The following MAGI2 variants were observed in gnomAD, a reference collection of about 807,000 sequenced individuals.
The protein encoded by MAGI2 is membrane associated guanylate kinase, WW and PDZ domain containing 2, also known as membrane-associated guanylate kinase, WW and PDZ domain-containing protein 2.
A neutral mutation model predicts 133.3 loss-of-function variants in MAGI2; 35 were observed. The observed-to-expected ratio is 0.26, with a 90% CI of 0.20 to 0.35. MAGI2 has a LOEUF of 0.35. Among genes scored for constraint, MAGI2 ranks in the 10% least tolerant of loss-of-function variants. MAGI2 has a pLI of 1.00. For missense variants in MAGI2, 1,636 were observed against 1,863.4 expected (o/e 0.88, Z 2.25); for synonymous variants, 729 against 710.6 (o/e 1.03, Z -0.41).
At position 78,132,946 on chromosome 7, in the gene MAGI2, C is replaced by G; in HGVS notation, c.3146G>C (p.Ser1049Thr). 6.2e-7 allele frequency: 1 copy of G among 1,613,696 alleles called. No homozygotes were observed. Among genetic ancestry groups the G allele is most frequent in the Non-Finnish European group, 8.5e-7 (1 of 1,179,832 alleles). Residue 1049 changes from serine to threonine, a missense_variant, in exon 18 of 22, where the codon AGC (serine) becomes ACC (threonine). Around this residue, in one of 5 missense-constraint regions of MAGI2, gnomAD observed 920 missense variants for 1,093.5 expected, o/e 0.84. Transcript: ENST00000354212. ...AGGTGGTGCTGGCTGGGCGATGGGGCTGTTGGGGGTGGCTGGGCTTGGCTG... is the reference window on the plus strand; with the variant it reads ...AGGTGGTGCTGGCTGGGCGATGGGGGTGTTGGGGGTGGCTGGGCTTGGCTG... Reference protein sequence around the residue: ...LAQPSPATPNSPIAQPAPPQP... With the variant: ...LAQPSPATPNTPIAQPAPPQP...
chr7:78,236,309 G>C (rs1563304967), intron 10 of MAGI2, among the ~76,000 whole-genome samples: 1 of 152,104 alleles, frequency 6.6e-6, no homozygotes, highest in African/African-American at 2.4e-5. Flanking sequence ...TGCTTGAAAA[G>C]CCCAGACAGA....
chr7:79,409,808 C>T (rs904345838), intron 1 of MAGI2, among the ~76,000 whole-genome samples: 8 of 151,960 alleles, frequency 5.3e-5, no homozygotes, highest in Admixed American at 4.6e-4. Context: ...TTATCACTTG[C>T]CTATATGTCC....
chr7:78,555,170 A>G (rs115929767), intron 3 of MAGI2, among the ~76,000 whole-genome samples: 57 of 66,208 alleles, frequency 8.6e-4, no homozygotes, highest in African/African-American at 1.5e-3. Flanking sequence ...ATAAATAAAT[A>G]AATGAATGAT....
chr7:79,177,283 TG>T (rs1353840939), intron 1 of MAGI2: 1 of 150,292 alleles, frequency 6.7e-6, no homozygotes, highest in East Asian at 1.9e-4. Flanking sequence ...TAAAACTTCG[TG>T]TTTAAAAACA....
rs1563165572 is a variant in MAGI2, at chr7:78,557,096, A to AG, written c.539-35452_539-35451insC. Among the ~76,000 whole-genome samples, 501 of 147,664 alleles carry AG rather than the reference A, an allele frequency of 3.4e-3. 23 individuals are homozygous for AG. The highest frequency in any genetic ancestry group is 0.011 in the African/African-American group (419 of 39,262). ...GCAGAGTCTCAAAAAAAAAAAAAAA[A>AG]AAAAGAAAAAGAAAAAAAAAGAATT... On this transcript the variant is annotated intron_variant, in intron 3 of 21. Transcript: ENST00000354212.
In MAGI2 at chr7:78,213,754, C is replaced by T. The variant is rs551046450; in HGVS notation, c.2048-12561G>A. On this transcript the variant is annotated intron_variant, in intron 10 of 21. Coordinates refer to ENST00000354212, the MANE Select transcript of MAGI2 (RefSeq NM_012301.4). ...TTTGCTTCTGTCCATAAATCTTTGT[C>T]GATCATGCGACAGTGTTGGGGTGTC... 3.9e-5 allele frequency among the ~76,000 whole-genome samples: 6 copies of T among 152,344 alleles called. No homozygotes were observed. In the East Asian group the frequency reaches 9.6e-4, roughly 24 times the overall value.
rs1788922884 is a variant in MAGI2 at position 78,222,434 on chromosome 7, C to T, written c.2048-21241G>A. ...TTCTGGCAGGCACTTCACATCATGCCATTTAATCCTCACAACAACCACGTG... is the reference window on the plus strand; with the variant it reads ...TTCTGGCAGGCACTTCACATCATGCTATTTAATCCTCACAACAACCACGTG... On this transcript the variant is annotated intron_variant, in intron 10 of 21. Transcript: ENST00000354212. Among the ~76,000 whole-genome samples, 5 of 152,174 alleles carry T rather than the reference C, an allele frequency of 3.3e-5. No individual in the cohort carries two copies. In the South Asian group the frequency reaches 1.0e-3, roughly 32 times the overall value.
intron 2 of MAGI2, among the ~76,000 whole-genome samples, chr7:78,899,277 G>A (rs1797431582): frequency 6.6e-6 from 1 of 152,162 alleles, no homozygotes; most frequent in South Asian, 2.1e-4. Flanking sequence ...ATAAAGGAGA[G>A]TTGAGGAAGA....
intron 1 of MAGI2, among the ~76,000 whole-genome samples, chr7:79,443,571 C>G (rs1201887737): frequency 6.6e-6 from 1 of 152,042 alleles, no homozygotes; most frequent in East Asian, 1.9e-4. Flanking sequence ...ACTTATTATC[C>G]TCCACATAGC....
At position 78,970,794 on chromosome 7, in the gene MAGI2, C is replaced by T. The variant is rs190934239; in HGVS notation, c.418+36296G>A. Among the ~76,000 whole-genome samples the T allele has an allele frequency of 3.3e-5, 5 of 152,138 alleles. No individual in the cohort carries two copies. The East Asian group carries it at 9.8e-4, about 30-fold the overall frequency. On this transcript the variant is annotated intron_variant, in intron 2 of 21. Coordinates refer to ENST00000354212, the MANE Select transcript of MAGI2 (RefSeq NM_012301.4). ...TACTAATGGTTAGCAAAGGATATAA[C>T]AAAGGAGTCACAGCTTTCTTGTATC...
intron 6 of MAGI2, among the ~76,000 whole-genome samples, chr7:78,403,082 T>C (rs1023986426): frequency 1.3e-5 from 2 of 152,202 alleles, no homozygotes; most frequent in African/African-American, 4.8e-5. Context: ...ACACGTGCCG[T>C]GTTGGTGTGC....
chr7:78,500,253 A>G (rs936770017), intron 5 of MAGI2, among the ~76,000 whole-genome samples: 1 of 152,218 alleles, frequency 6.6e-6, no homozygotes, highest in East Asian at 1.9e-4. Context: ...CTGCCTATAG[A>G]GATCTAAGTT....
chr7:78,523,108 C>T (rs1796648645), intron 3 of MAGI2, among the ~76,000 whole-genome samples: 2 of 152,190 alleles, frequency 1.3e-5, no homozygotes. Flanking sequence ...AAAAGGTGTG[C>T]TGTGAAAGGA....
At chr7:78,530,737 C>T (rs1797394305) in intron 3 of MAGI2, among the ~76,000 whole-genome samples, 3 of 149,256 alleles carry the variant, frequency 2.0e-5, no homozygotes, top group African/African-American at 7.4e-5. Context: ...TTCCAATTTT[C>T]TTTTTTTTTT....
At chr7:78,682,113 G>T (rs1324171582) in intron 2 of MAGI2, among the ~76,000 whole-genome samples, 1 of 151,920 alleles carries the variant, frequency 6.6e-6, no homozygotes, top group Non-Finnish European at 1.5e-5. Context: ...TCCAGTTTTA[G>T]TCTATATTTC....
At chr7:78,153,784 T>C (rs1824121341) in intron 16 of MAGI2, among the ~76,000 whole-genome samples, 1 of 152,202 alleles carries the variant, frequency 6.6e-6, no homozygotes, top group East Asian at 1.9e-4. Context: ...ATCATGTAAT[T>C]TAGAGCTGGA....
intron 1 of MAGI2, among the ~76,000 whole-genome samples, chr7:79,054,229 G>A (rs1812935429): frequency 6.6e-6 from 1 of 152,008 alleles, no homozygotes; most frequent in Non-Finnish European, 1.5e-5. Context: ...AAAGTTTCAT[G>A]TAAGTACATA....
At chr7:79,029,418 T>C in intron 1 of MAGI2, among the ~76,000 whole-genome samples, 1 of 152,170 alleles carries the variant, frequency 6.6e-6, no homozygotes, top group East Asian at 1.9e-4. Context: ...AGAAAACACC[T>C]TTTTAAAATA....
At chr7:79,276,734 C>T (rs1835254766) in intron 1 of MAGI2, among the ~76,000 whole-genome samples, 1 of 152,144 alleles carries the variant, frequency 6.6e-6, no homozygotes, top group Non-Finnish European at 1.5e-5. Flanking sequence ...GAGGCCAAGG[C>T]AGGCAGATCG....
Sources: gnomAD v4.1 joint callset for allele counts (sites outside exome capture counted in the v4.1 genomes callset) on GRCh38, gnomAD v4.1.1 for gene constraint, gnomAD v4.1.1 regional missense constraint, MANE v1.5 for transcripts, NCBI Gene and HGNC (gene_info 2026-07-23, HGNC 2026-07-21) for gene names.